The following SF3B1 variants were observed in gnomAD, a reference collection of about 807,000 sequenced individuals.
The protein encoded by SF3B1 is splicing factor 3b subunit 1.
Under a neutral mutation model 153.8 loss-of-function variants are expected in SF3B1, and 12 were observed. The ratio of observed to expected loss-of-function variants is 0.08; its 90% confidence interval spans 0.05 to 0.13. The LOEUF is 0.13. SF3B1 is among the 10% of genes least tolerant of loss of function. The pLI, the probability that SF3B1 is intolerant of heterozygous loss-of-function variation, is 1.00. For synonymous variants in SF3B1, 498 were observed against 525.2 expected, an observed-to-expected ratio of 0.95 and a Z score of 0.71; for missense variants, 513 against 1,606.1, an observed-to-expected ratio of 0.32 and a Z score of 11.63.
At chr2:197,403,485 G>T in intron 12 of SF3B1, 100 bp downstream of exon 12, 1 of 714,878 alleles carries the variant, frequency 1.4e-6, no homozygotes, top group Non-Finnish European at 2.2e-6. Flanking sequence ...GTGTGTACTT[G>T]TGCAAAGGAA....
At chr2:197,416,648 T>C (rs2085152532) in intron 6 of SF3B1, 93 bp downstream of exon 6, 6 of 1,075,678 alleles carry the variant, frequency 5.6e-6, no homozygotes, top group Non-Finnish European at 8.0e-6. Flanking sequence ...ACCCAGTCTG[T>C]GGTATCTTGC....
chr2:197,423,696 A>G, intron 2 of SF3B1, 112 bp downstream of exon 2: 1 of 1,021,282 alleles, frequency 9.8e-7, no homozygotes, highest in Non-Finnish European at 1.4e-6. Context: ...TATCCTCTAA[A>G]AGATCCCAAA....
In SF3B1 at chr2:197,400,605, T is replaced by C; in HGVS notation, c.2718+110A>G. The C allele has an allele frequency of 2.9e-6, 3 of 1,038,944 alleles. No individual in the cohort carries two copies. The highest frequency in any genetic ancestry group is 4.2e-6 in the Non-Finnish European group (3 of 716,420). 64.4% of individuals were successfully genotyped at this position (1,038,944 alleles called of 1,614,324 possible). The stretch of plus-strand genomic sequence containing the variant: ...TCGTTTGGTAACCCCCTGAGCATTT[T>C]AAAAATTACTTCAAATTCAATTGCA... On this transcript the variant is annotated intron_variant, in intron 18 of 24. Transcript: ENST00000335508. This position sits in a 1 kb window ranked among gnomAD's most constrained non-coding sequence, Gnocchi z 5.0.
intron 5 of SF3B1, among the ~76,000 whole-genome samples, chr2:197,417,112 G>A (rs1007121418): frequency 6.6e-6 from 1 of 152,094 alleles, no homozygotes; most frequent in African/African-American, 2.4e-5. Context: ...CTAAACAAAA[G>A]ATAAGCAAGT....
chr2:197,417,694 G>A (rs1028782519), intron 5 of SF3B1, among the ~76,000 whole-genome samples: 6 of 151,902 alleles, frequency 3.9e-5, no homozygotes, highest in Non-Finnish European at 7.4e-5. Flanking sequence ...GAGGCAGAGG[G>A]TGCGGTAAGC....
intron 1 of SF3B1, among the ~76,000 whole-genome samples, chr2:197,424,803 A>G (rs1031015645): frequency 2.6e-5 from 4 of 152,250 alleles, no homozygotes; most frequent in African/African-American, 7.2e-5. Flanking sequence ...CCTGACAAAT[A>G]GCTGTTTAAA....
At chr2:197,421,773 T>G (rs1345041245) in intron 2 of SF3B1, among the ~76,000 whole-genome samples, 1 of 151,736 alleles carries the variant, frequency 6.6e-6, no homozygotes, top group Non-Finnish European at 1.5e-5. Context: ...AGCCCAGGAG[T>G]TCAAGACCAG....
At chr2:197,425,256 A>C (rs2085315578) in intron 1 of SF3B1, among the ~76,000 whole-genome samples, 1 of 152,226 alleles carries the variant, frequency 6.6e-6, no homozygotes, top group Admixed American at 6.5e-5. Flanking sequence ...ACCTGAGGTC[A>C]GGAGTTCAAG....
rs910899687 is a variant in SF3B1 at position 197,416,570 on chromosome 2, T to C, written c.666+171A>G. On this transcript the variant is annotated intron_variant, in intron 6 of 24. Coordinates refer to ENST00000335508, the MANE Select transcript of SF3B1 (RefSeq NM_012433.4). ...AAGCCCTCAACAAACACCAACCCTG[T>C]TGGCACTCTGATCTTGGATTTCAAG... 16 of 569,040 alleles carry C rather than the reference T, an allele frequency of 2.8e-5. 1 individual carries two copies. The highest frequency in any genetic ancestry group is 1.9e-4 in the Admixed American group (6 of 31,004). The allele number at this position is 569,040 out of a possible 1,614,324, so 35.2% of individuals were successfully genotyped here.
intron 1 of SF3B1, among the ~76,000 whole-genome samples, chr2:197,432,160 G>C (rs1048539421): frequency 6.6e-6 from 1 of 152,068 alleles, no homozygotes; most frequent in Non-Finnish European, 1.5e-5. Flanking sequence ...AGATCAGCAA[G>C]ATACACAATA....
At position 197,392,480 on chromosome 2, in the gene SF3B1, TACATTATTTCAATTTTTAAGA is replaced by T; in HGVS notation, c.3757-40_3757-20del. 4.2e-6 allele frequency: 5 copies of T among 1,184,408 alleles called. No individual in the cohort carries two copies. In the South Asian group the frequency reaches 6.6e-5, roughly 16 times the overall value. 73.4% of individuals were successfully genotyped at this position (1,184,408 alleles called of 1,614,324 possible). On this transcript the variant is annotated intron_variant, in intron 24 of 24. Coordinates refer to ENST00000335508, the MANE Select transcript of SF3B1 (RefSeq NM_012433.4). ...ACAGACCCTAAAATAATTGAACGGT[TACATTATTTCAATTTTTAAGA>T]ACATACATAACCTTAACAAAATTAA...
rs10451569 is a variant in SF3B1, at chr2:197,404,956, G to C, written c.1539+120C>G. Reference sequence around the variant, plus strand: ...CACTTTGGGAGGTAGGCCAAAGCAGGAGGATCACTTGAGACCAGCCTGGGC... The same window carrying C: ...CACTTTGGGAGGTAGGCCAAAGCAGCAGGATCACTTGAGACCAGCCTGGGC... On this transcript the variant is annotated intron_variant, in intron 11 of 24. Coordinates refer to ENST00000335508, the MANE Select transcript of SF3B1 (RefSeq NM_012433.4). 3,474 of 639,582 alleles carry C rather than the reference G, an allele frequency of 5.4e-3. 92 individuals are homozygous for C. In the African/African-American group the frequency reaches 0.056, roughly 10 times the overall value. 39.6% of individuals were successfully genotyped at this position (639,582 alleles called of 1,614,324 possible).
At chr2:197,408,148 T>C (rs750740914) in intron 8 of SF3B1, 29 bp from the exon 9 acceptor site, 1 of 1,571,864 alleles carries the variant, frequency 6.4e-7, no homozygotes, top group Non-Finnish European at 8.7e-7. Context: ...TTTTATATAA[T>C]CTATAGTACA....
Position 197,396,133 on chromosome 2 carries a change from C to T in SF3B1, c.3462G>A (p.Leu1154=). Residue 1154 remains leucine (L), a synonymous_variant, in exon 23 of 25, where the codon TTG becomes TTA. Coordinates refer to ENST00000335508, the MANE Select transcript of SF3B1 (RefSeq NM_012433.4). Reference sequence around the variant, plus strand: ...TTCCCATTTCACCAATATATTCAAACAAGAAGGAAAGCGATTTTAACACTC... The same window carrying T: ...TTCCCATTTCACCAATATATTCAAATAAGAAGGAAAGCGATTTTAACACTC... ...QNGVLKSLSF[L]FEYIGEMGKD... 1 of 1,613,784 alleles carries T rather than the reference C, an allele frequency of 6.2e-7. No individual in the cohort carries two copies. The highest frequency in any genetic ancestry group is 8.5e-7 in the Non-Finnish European group (1 of 1,179,770).
intron 22 of SF3B1, 111 bp downstream of exon 22, chr2:197,397,874 G>T: frequency 1.5e-6 from 1 of 676,204 alleles, no homozygotes. Context: ...TTTCTCAACT[G>T]CATTATTCAG....
intron 5 of SF3B1, among the ~76,000 whole-genome samples, chr2:197,418,263 A>AAAAAAAAAAAAAAAAAAAAAAAC (rs2085186031): frequency 7.0e-6 from 1 of 143,198 alleles, no homozygotes; most frequent in African/African-American, 2.6e-5. Context: ...AAAAAAAAAA[A>AAAAAAAAAAAAAAAAAAAAAAAC]ATCCCTTGTG....
intron 5 of SF3B1, among the ~76,000 whole-genome samples, chr2:197,417,602 T>C (rs1411180070): frequency 7.7e-6 from 1 of 129,490 alleles, no homozygotes. Context: ...AAAAGAAATA[T>C]GAAAATTAGC....
intron 20 of SF3B1, among the ~76,000 whole-genome samples, chr2:197,399,521 A>G (rs2084915424): frequency 6.6e-6 from 1 of 152,222 alleles, no homozygotes; most frequent in Non-Finnish European, 1.5e-5. Flanking sequence ...ATATAGCTGT[A>G]TTACGGGTTA....
chr2:197,411,968 G>T (rs1217551169), intron 6 of SF3B1, among the ~76,000 whole-genome samples: 2 of 151,832 alleles, frequency 1.3e-5, no homozygotes, highest in Non-Finnish European at 2.9e-5. Context: ...AAAATAGCTG[G>T]GTGTGGTGGT....
Sources: gnomAD v4.1 joint callset for allele counts (sites outside exome capture counted in the v4.1 genomes callset) on GRCh38, gnomAD v4.1.1 for gene constraint, Gnocchi (gnomAD v3.1) non-coding constraint, MANE v1.5 for transcripts, NCBI Gene and HGNC (gene_info 2026-07-23, HGNC 2026-07-21) for gene names.